The following MGAT4C variants were observed in gnomAD, a reference collection of about 807,000 sequenced individuals.
MGAT4C encodes alpha-1,3-mannosyl-glycoprotein 4-beta-N-acetylglucosaminyltransferase C.
A neutral mutation model predicts 40.1 loss-of-function variants in MGAT4C; 19 were observed. The ratio of observed to expected loss-of-function variants is 0.47; its 90% CI spans 0.33 to 0.70. MGAT4C has a LOEUF of 0.70. MGAT4C is among the 30% of genes least tolerant of loss of function. MGAT4C has a pLI of 0.02. For synonymous variants in MGAT4C, 181 were observed against 187.1 expected, an observed-to-expected ratio of 0.97 and a Z score of 0.27; for missense variants, 491 against 563.2, an observed-to-expected ratio of 0.87 and a Z score of 1.30.
At chr12:86,808,080 A>T (rs759499294) in intron 1 of MGAT4C, among the ~76,000 whole-genome samples, 1 of 152,032 alleles carries the variant, frequency 6.6e-6, no homozygotes, top group Non-Finnish European at 1.5e-5. Context: ...GGCTGAACTA[A>T]GAATAAGTTA....
At chr12:86,746,699 C>T (rs1479193200) in intron 1 of MGAT4C, among the ~76,000 whole-genome samples, 1 of 151,592 alleles carries the variant, frequency 6.6e-6, no homozygotes, top group Non-Finnish European at 1.5e-5. Context: ...CTACATGCTC[C>T]TCGCTCTTCT....
chr12:86,251,139 T>G (rs979736100), intron 1 of MGAT4C, among the ~76,000 whole-genome samples: 5 of 151,452 alleles, frequency 3.3e-5, no homozygotes, highest in Admixed American at 6.6e-5. Flanking sequence ...CCGTTTTTTT[T>G]TTTTTTTTTT....
intron 3 of MGAT4C, among the ~76,000 whole-genome samples, chr12:86,388,680 T>TTG (rs1369652163): frequency 7.1e-6 from 1 of 139,958 alleles, no homozygotes; most frequent in African/African-American, 2.6e-5. Flanking sequence ...TTTTTGTTTT[T>TTG]TTTTTTTTTT....
At chr12:86,443,205 T>TACAC (rs199586329) in intron 2 of MGAT4C, among the ~76,000 whole-genome samples, 10 of 150,412 alleles carry the variant, frequency 6.6e-5, no homozygotes, top group East Asian at 6.0e-4. Context: ...TGTATATATA[T>TACAC]ACACACACAC....
chr12:86,346,919 A>T (rs762046051), intron 3 of MGAT4C, among the ~76,000 whole-genome samples: 7 of 151,996 alleles, frequency 4.6e-5, no homozygotes, highest in Non-Finnish European at 1.0e-4. Flanking sequence ...CCTTCATCAT[A>T]CTCCCATACT....
intron 2 of MGAT4C, among the ~76,000 whole-genome samples, chr12:86,510,464 T>C (rs532611757): frequency 2.6e-5 from 4 of 152,232 alleles, no homozygotes; most frequent in African/African-American, 9.6e-5. Context: ...AACATCATAA[T>C]GACAGGATCA....
chr12:86,715,240 T>C (rs543907784), intron 2 of MGAT4C, among the ~76,000 whole-genome samples: 1 of 152,274 alleles, frequency 6.6e-6, no homozygotes, highest in Non-Finnish European at 1.5e-5. Flanking sequence ...TACTTAAACA[T>C]ACTTTGTAAT....
intron 3 of MGAT4C, among the ~76,000 whole-genome samples, chr12:86,371,513 C>T (rs1353217836): frequency 2.2e-4 from 33 of 152,004 alleles, no homozygotes; most frequent in Admixed American, 2.2e-3. Context: ...TGGTAGAACA[C>T]CCCTCACTAG....
intron 3 of MGAT4C, among the ~76,000 whole-genome samples, chr12:86,390,697 G>T (rs1391558804): frequency 1.3e-5 from 2 of 151,946 alleles, no homozygotes; most frequent in Admixed American, 6.6e-5. Context: ...AAAAAAATCT[G>T]GTGACCAGTA....
intron 4 of MGAT4C, among the ~76,000 whole-genome samples, chr12:86,322,375 A>G (rs550514189): frequency 3.6e-4 from 55 of 152,168 alleles, no homozygotes; most frequent in African/African-American, 1.3e-3. Flanking sequence ...AGTAAAAAAA[A>G]AAAATCAGAG....
intron 1 of MGAT4C, among the ~76,000 whole-genome samples, chr12:86,176,001 G>A (rs940713771): frequency 2.6e-5 from 4 of 151,952 alleles, no homozygotes; most frequent in African/African-American, 9.7e-5. Context: ...ATAATTTTCT[G>A]GGATTATTTT....
At chr12:86,156,613 G>A (rs909910961) in intron 1 of MGAT4C, among the ~76,000 whole-genome samples, 4 of 152,166 alleles carry the variant, frequency 2.6e-5, no homozygotes, top group Non-Finnish European at 5.9e-5. Context: ...GAGCCACCGC[G>A]TCCAGCTAAG....
intron 4 of MGAT4C, among the ~76,000 whole-genome samples, chr12:86,308,349 T>C (rs1033243606): frequency 1.3e-5 from 2 of 150,696 alleles, no homozygotes; most frequent in Non-Finnish European, 2.9e-5. Context: ...CTATTCCTGC[T>C]GTGCTGAGAG....
At chr12:86,580,563 T>C (rs539361079) in intron 2 of MGAT4C, among the ~76,000 whole-genome samples, 2 of 151,600 alleles carry the variant, frequency 1.3e-5, no homozygotes, top group Non-Finnish European at 3.0e-5. Flanking sequence ...ATCTACATAA[T>C]TAACTAAAAT....
chr12:86,198,470 T>C (rs1055612341), intron 1 of MGAT4C, among the ~76,000 whole-genome samples: 1 of 152,222 alleles, frequency 6.6e-6, no homozygotes, highest in African/African-American at 2.4e-5. Flanking sequence ...GAATTCATAA[T>C]AAAAATTATT....
In MGAT4C at chr12:86,700,178, CAGATAGATAGAT is replaced by C. The variant is rs370834701; in HGVS notation, c.-229+27019_-229+27030del. The stretch of plus-strand genomic sequence containing the variant: ...ACAGACAGACAGACAGACAGACAGA[CAGATAGATAGAT>C]AGATAGATAGATAGATAGATAGATT... On this transcript the variant is annotated intron_variant, in intron 2 of 7. Coordinates refer to the MGAT4C transcript ENST00000548651. 2.8e-3 allele frequency among the ~76,000 whole-genome samples: 400 copies of C among 140,764 alleles called. 1 individual carries two copies. The highest frequency in any genetic ancestry group is 3.7e-3 in the African/African-American group (135 of 36,096). The allele number at this position is 140,764 out of a possible 152,430, so 92.3% of individuals were successfully genotyped here.
intron 4 of MGAT4C, among the ~76,000 whole-genome samples, chr12:86,318,620 C>T (rs1954302324): frequency 6.6e-6 from 1 of 152,084 alleles, no homozygotes; most frequent in African/African-American, 2.4e-5. Context: ...AGTTGGCTTC[C>T]AGATCTAAGT....
At chr12:86,178,051 C>T (rs1442023828) in intron 1 of MGAT4C, among the ~76,000 whole-genome samples, 1 of 152,090 alleles carries the variant, frequency 6.6e-6, no homozygotes, top group Admixed American at 6.5e-5. Flanking sequence ...ATTCTCGTGC[C>T]TCAGCCTCCC....
chr12:86,540,741 AGAG>A (rs756893917), intron 2 of MGAT4C, among the ~76,000 whole-genome samples: 154 of 148,974 alleles, frequency 1.0e-3, no homozygotes, highest in Admixed American at 3.3e-3. Context: ...ATCTCCAGAA[AGAG>A]AGAGAGAGAG....
Sources: gnomAD v4.1 joint callset for allele counts (sites outside exome capture counted in the v4.1 genomes callset) on GRCh38, gnomAD v4.1.1 for gene constraint, MANE v1.5 for transcripts, NCBI Gene and HGNC (gene_info 2026-07-23, HGNC 2026-07-21) for gene names.